TRHDE: variants seen among roughly 807,000 people sequenced by gnomAD.
The protein encoded by TRHDE is thyrotropin releasing hormone degrading enzyme.
A neutral mutation model predicts 125.7 loss-of-function variants in TRHDE; 72 were observed. The observed-to-expected ratio is 0.57, with a 90% CI of 0.47 to 0.70. The LOEUF is 0.70. TRHDE is among the 30% of genes least tolerant of loss of function. The probability of loss-of-function intolerance (pLI) is 0.00; values close to 1 mark genes in which losing one functional copy is unlikely to be tolerated. For missense variants in TRHDE, 1,110 were observed against 1,327.1 expected (o/e 0.84, Z 2.54); for synonymous variants, 509 against 509.1 (o/e 1.00, Z 0.00).
At chr12:72,615,777 G>A (rs868568571) in intron 12 of TRHDE, among the ~76,000 whole-genome samples, 1 of 152,052 alleles carries the variant, frequency 6.6e-6, no homozygotes, top group Non-Finnish European at 1.5e-5. Flanking sequence ...AAGATACAAT[G>A]GAAATTATTT....
chr12:72,150,665 T>TG, intron 2 of TRHDE, among the ~76,000 whole-genome samples: 1 of 151,566 alleles, frequency 6.6e-6, no homozygotes, highest in Admixed American at 6.6e-5. Flanking sequence ...TTTTTGTCCT[T>TG]GCAATAGTTT....
intron 15 of TRHDE, among the ~76,000 whole-genome samples, chr12:72,638,835 C>A (rs950574276): frequency 2.0e-5 from 3 of 152,154 alleles, no homozygotes; most frequent in African/African-American, 7.2e-5. Flanking sequence ...TATTGGCCCC[C>A]TCTCTCTTCT....
chr12:72,353,249 A>G (rs989406936), intron 2 of TRHDE, among the ~76,000 whole-genome samples: 1 of 151,744 alleles, frequency 6.6e-6, no homozygotes, highest in African/African-American at 2.4e-5. Flanking sequence ...GTAAAACAAA[A>G]CTGAAGTGTT....
At chr12:72,638,596 G>A (rs2136095925) in intron 15 of TRHDE, among the ~76,000 whole-genome samples, 1 of 152,088 alleles carries the variant, frequency 6.6e-6, no homozygotes, top group African/African-American at 2.4e-5. Context: ...TTTCTTCCTA[G>A]TCTCGATGGT....
At chr12:72,128,643 G>A (rs965561520) in intron 2 of TRHDE, among the ~76,000 whole-genome samples, 8 of 152,160 alleles carry the variant, frequency 5.3e-5, no homozygotes, top group African/African-American at 1.7e-4. Flanking sequence ...TTTAAAAACC[G>A]CTGTATGGGG....
At chr12:72,161,688 T>C (rs1026570232) in intron 2 of TRHDE, among the ~76,000 whole-genome samples, 1 of 152,218 alleles carries the variant, frequency 6.6e-6, no homozygotes, top group East Asian at 1.9e-4. Context: ...TGAGAACATA[T>C]CCTGCTTTGT....
At chr12:72,523,804 C>G (rs778542307) in intron 6 of TRHDE, among the ~76,000 whole-genome samples, 1 of 152,168 alleles carries the variant, frequency 6.6e-6, no homozygotes, top group African/African-American at 2.4e-5. Context: ...TGATACACCA[C>G]TGTCAGAAGA....
At chr12:72,122,508 T>G (rs1875608588) in intron 2 of TRHDE, among the ~76,000 whole-genome samples, 1 of 152,228 alleles carries the variant, frequency 6.6e-6, no homozygotes, top group South Asian at 2.1e-4. Flanking sequence ...TGTAGTAGAA[T>G]GTCATGTCCA....
At chr12:72,293,578 T>C (rs140320632) in intron 2 of TRHDE, among the ~76,000 whole-genome samples, 102 of 152,328 alleles carry the variant, frequency 6.7e-4, no homozygotes, top group Non-Finnish European at 1.3e-3. Flanking sequence ...AAGTTTTGCA[T>C]ACTAATGTGA....
chr12:72,316,570 G>A (rs1868813359), intron 2 of TRHDE, among the ~76,000 whole-genome samples: 1 of 152,126 alleles, frequency 6.6e-6, no homozygotes, highest in Non-Finnish European at 1.5e-5. Flanking sequence ...CGAAAGGAAA[G>A]TGCTGTCCTG....
chr12:72,559,941 G>C (rs1182975872), intron 7 of TRHDE, among the ~76,000 whole-genome samples: 1 of 151,888 alleles, frequency 6.6e-6, no homozygotes, highest in Non-Finnish European at 1.5e-5. Flanking sequence ...CTTCACCATT[G>C]TTTCCCCTGT....
intron 3 of TRHDE, among the ~76,000 whole-genome samples, chr12:72,464,398 G>T (rs1876270224): frequency 6.6e-6 from 1 of 152,152 alleles, no homozygotes; most frequent in South Asian, 2.1e-4. Context: ...GTCTGGTAGG[G>T]TCTGCTCTCT....
At chr12:72,510,134 A>G (rs1453947165) in intron 6 of TRHDE, among the ~76,000 whole-genome samples, 2 of 152,112 alleles carry the variant, frequency 1.3e-5, no homozygotes. Flanking sequence ...CCTCAGGCAC[A>G]ATTAGCCTCC....
At chr12:72,569,975 A>G (rs1362623543) in intron 10 of TRHDE, among the ~76,000 whole-genome samples, 1 of 152,202 alleles carries the variant, frequency 6.6e-6, no homozygotes, top group African/African-American at 2.4e-5. Context: ...GAGGGAGAGC[A>G]GTGAGTTGTT....
chr12:72,115,377 C>T (rs1875420354), intron 2 of TRHDE, among the ~76,000 whole-genome samples: 1 of 152,016 alleles, frequency 6.6e-6, no homozygotes, highest in Non-Finnish European at 1.5e-5. Context: ...ATAACAGGAT[C>T]TTATTCTTTT....
chr12:72,456,669 G>A (rs1200070435), intron 3 of TRHDE, among the ~76,000 whole-genome samples: 1 of 151,812 alleles, frequency 6.6e-6, no homozygotes, highest in African/African-American at 2.4e-5. Context: ...ATTTACATTA[G>A]GAGAAACATT....
chr12:72,142,555 C>T (rs1468727520), intron 2 of TRHDE, among the ~76,000 whole-genome samples: 1 of 152,142 alleles, frequency 6.6e-6, no homozygotes, highest in Non-Finnish European at 1.5e-5. Flanking sequence ...GGGTGGCCCC[C>T]TGCAAAGGTC....
chr12:72,103,353 G>T (rs1049930475), intron 1 of TRHDE, among the ~76,000 whole-genome samples: 1 of 152,102 alleles, frequency 6.6e-6, no homozygotes, highest in Non-Finnish European at 1.5e-5. Context: ...GAATTCATTG[G>T]AAAGTCTGCC....
At chr12:72,258,701 C>T (rs769674791) in intron 2 of TRHDE, among the ~76,000 whole-genome samples, 6 of 152,106 alleles carry the variant, frequency 3.9e-5, no homozygotes, top group African/African-American at 9.7e-5. Flanking sequence ...CAGGAGAAGA[C>T]GTTACACTCC....
Sources: gnomAD v4.1 joint callset for allele counts (sites outside exome capture counted in the v4.1 genomes callset) on GRCh38, gnomAD v4.1.1 for gene constraint, MANE v1.5 for transcripts, NCBI Gene and HGNC (gene_info 2026-07-23, HGNC 2026-07-21) for gene names.